NXPE2: variants seen among roughly 807,000 people sequenced by gnomAD.
NXPE2 encodes the protein NXPE family member 2.
In NXPE2, 34 loss-of-function variants were observed where a neutral mutation model predicts 34.4. That is an observed-to-expected ratio of 0.99 (90% CI 0.75 to 1.31). The LOEUF is 1.31. Ranked by LOEUF, NXPE2 falls within the 40% of genes most tolerant of loss-of-function variation. The pLI, the probability that NXPE2 is intolerant of heterozygous loss-of-function variation, is 0.00. For missense variants in NXPE2, 649 were observed against 672.5 expected (o/e 0.97, Z 0.39); for synonymous variants, 235 against 231.3 (o/e 1.02, Z -0.15).
chr11:114,724,593 C>A, the NXPE2 span, among the ~76,000 whole-genome samples: 1 of 152,010 alleles, frequency 6.6e-6, no homozygotes, highest in Middle Eastern at 3.2e-3. Flanking sequence ...TAGTTTTTGC[C>A]CTTATTGCCA....
chr11:114,548,487 G>T, the NXPE2 span, among the ~76,000 whole-genome samples: 1 of 151,892 alleles, frequency 6.6e-6, no homozygotes, highest in Admixed American at 6.6e-5. Flanking sequence ...TATAATGCAG[G>T]TATTTAATAG....
the NXPE2 span, chr11:114,582,614 A>G: frequency 6.2e-7 from 1 of 1,614,100 alleles, no homozygotes; most frequent in Non-Finnish European, 8.5e-7. Flanking sequence ...CCCAGAACAG[A>G]GTGAAGCTGA....
the NXPE2 span, among the ~76,000 whole-genome samples, chr11:114,717,916 A>G: frequency 1.3e-5 from 2 of 152,206 alleles, no homozygotes; most frequent in African/African-American, 2.4e-5. Context: ...GCTACTAAGC[A>G]GGACAAACTT....
At chr11:114,532,682 T>C in the NXPE2 span, among the ~76,000 whole-genome samples, 1 of 152,160 alleles carries the variant, frequency 6.6e-6, no homozygotes, top group African/African-American at 2.4e-5. Context: ...TTCATGGAGA[T>C]GACTTTTAAA....
the NXPE2 span, among the ~76,000 whole-genome samples, chr11:114,617,358 C>T: frequency 7.3e-4 from 111 of 152,068 alleles, no homozygotes; most frequent in Middle Eastern, 0.014. Flanking sequence ...ATAAGTATTA[C>T]GTCATTGGTA....
the NXPE2 span, among the ~76,000 whole-genome samples, chr11:114,807,746 GAC>G: frequency 1.3e-5 from 2 of 151,790 alleles, no homozygotes; most frequent in Admixed American, 1.3e-4. Context: ...AATAATGGGA[GAC>G]TTTAACACCC....
At chr11:114,590,350 A>T in the NXPE2 span, among the ~76,000 whole-genome samples, 154 of 152,342 alleles carry the variant, frequency 1.0e-3, 1 homozygote, top group Admixed American at 8.2e-3. Flanking sequence ...GGACCAGAGC[A>T]TTAGGGGAAG....
the NXPE2 span, among the ~76,000 whole-genome samples, chr11:114,798,837 G>C: frequency 6.6e-6 from 1 of 152,058 alleles, no homozygotes; most frequent in South Asian, 2.1e-4. Context: ...TGTCTTGACT[G>C]TGTCCATCTC....
At chr11:114,522,519 A>G in the NXPE2 span, 3 of 1,550,062 alleles carry the variant, frequency 1.9e-6, no homozygotes, top group Non-Finnish European at 2.6e-6. Context: ...AAAAAAACAA[A>G]TAGATGTTTT....
the NXPE2 span, among the ~76,000 whole-genome samples, chr11:114,641,050 C>A: frequency 6.6e-6 from 1 of 151,572 alleles, no homozygotes; most frequent in African/African-American, 2.4e-5. Flanking sequence ...AACAAGACAT[C>A]AGAAAGAAGA....
the NXPE2 span, among the ~76,000 whole-genome samples, chr11:114,485,248 G>T: frequency 6.6e-6 from 1 of 151,766 alleles, no homozygotes; most frequent in East Asian, 1.9e-4. Flanking sequence ...TTACTCTGTT[G>T]CCCAGGCTGG....
the NXPE2 span, among the ~76,000 whole-genome samples, chr11:114,581,002 G>T: frequency 1.3e-5 from 2 of 152,096 alleles, no homozygotes; most frequent in South Asian, 4.1e-4. Context: ...TTTAATAAGT[G>T]GGATGAGTGT....
chr11:114,539,878 G>A, the NXPE2 span, among the ~76,000 whole-genome samples: 1 of 151,852 alleles, frequency 6.6e-6, no homozygotes, highest in Non-Finnish European at 1.5e-5. Flanking sequence ...ATTGTATCAA[G>A]AAAATGGTTT....
At chr11:114,524,218 A>G in the NXPE2 span, among the ~76,000 whole-genome samples, 1 of 152,156 alleles carries the variant, frequency 6.6e-6, no homozygotes, top group African/African-American at 2.4e-5. Context: ...TCTGGAAAAA[A>G]CTTAGTCATG....
the NXPE2 span, among the ~76,000 whole-genome samples, chr11:114,482,054 G>A: frequency 2.0e-4 from 31 of 151,960 alleles, no homozygotes; most frequent in Non-Finnish European, 3.7e-4. Flanking sequence ...ATGAAAGATG[G>A]ATTAAAGCCT....
chr11:114,648,145 A>G, the NXPE2 span, among the ~76,000 whole-genome samples: 2 of 152,086 alleles, frequency 1.3e-5, no homozygotes, highest in African/African-American at 2.4e-5. Flanking sequence ...ATCTTTGCCT[A>G]TTTATAATGA....
chr11:114,517,291 C>T, the NXPE2 span, among the ~76,000 whole-genome samples: 5 of 151,978 alleles, frequency 3.3e-5, no homozygotes, highest in South Asian at 1.0e-3. Context: ...GATTATTTGT[C>T]CCTTCCCTAC....
At chr11:114,690,774 T>G (rs1951134818) in intron 2 of NXPE2, among the ~76,000 whole-genome samples, 1 of 152,106 alleles carries the variant, frequency 6.6e-6, no homozygotes, top group South Asian at 2.1e-4. Context: ...TCAAAGTCTT[T>G]GTTCATTTTT....
At chr11:114,772,338 T>C in the NXPE2 span, among the ~76,000 whole-genome samples, 4 of 151,856 alleles carry the variant, frequency 2.6e-5, no homozygotes, top group East Asian at 1.9e-4. Flanking sequence ...TCCTAGTAGC[T>C]AAAGCAAAAA....
Sources: allele counts gnomAD v4.1 joint callset (sites outside exome capture counted in the v4.1 genomes callset), GRCh38; gene constraint gnomAD v4.1.1; transcripts MANE v1.5; gene names NCBI Gene and HGNC (gene_info 2026-07-23, HGNC 2026-07-21).